The following CFAP47 variants were observed in gnomAD, a reference collection of about 807,000 sequenced individuals.
CFAP47 encodes the protein cilia- and flagella-associated protein 47.
A neutral mutation model predicts 148.1 loss-of-function variants in CFAP47; 29 were observed. The ratio of observed to expected loss-of-function variants is 0.20; its 90% CI spans 0.15 to 0.27. The LOEUF (loss-of-function observed/expected upper bound fraction) is 0.27. Among genes scored for constraint, CFAP47 ranks in the 10% least tolerant of loss-of-function variants. The probability of loss-of-function intolerance (pLI) is 1.00; values close to 1 mark genes in which losing one functional copy is unlikely to be tolerated. For synonymous variants in CFAP47, 664 were observed against 577.3 expected, an observed-to-expected ratio of 1.15 and a Z score of -2.15; for missense variants, 1,872 against 1,697.5, an observed-to-expected ratio of 1.10 and a Z score of -1.81.
intron 32 of CFAP47, among the ~76,000 whole-genome samples, chrX:36,101,925 C>T (rs1305746066): frequency 9.0e-6 from 1 of 111,424 alleles, no homozygotes; most frequent in African/African-American, 3.3e-5. Context: ...TAGCAAAGTT[C>T]ATGTGAACCT....
chrX:36,178,252 G>A (rs910285350), intron 39 of CFAP47, among the ~76,000 whole-genome samples: 2 of 110,941 alleles, frequency 1.8e-5, no homozygotes, highest in Non-Finnish European at 3.8e-5. Context: ...TCTGGGTAAT[G>A]AGATCAATTA....
intron 45 of CFAP47, among the ~76,000 whole-genome samples, chrX:36,205,963 A>G (rs1355375935): frequency 2.7e-5 from 3 of 111,545 alleles, no homozygotes; most frequent in Non-Finnish European, 5.7e-5. Flanking sequence ...GGTGATTACA[A>G]CTTATAAATT....
intron 57 of CFAP47, among the ~76,000 whole-genome samples, chrX:36,343,525 A>ATTCCT (rs1423285418): frequency 8.9e-6 from 1 of 112,002 alleles, no homozygotes; most frequent in Admixed American, 9.4e-5. Context: ...GAATGTGGTG[A>ATTCCT]TTCCTCAAGG....
At chrX:35,924,288 T>G (rs778797864) in intron 1 of CFAP47, among the ~76,000 whole-genome samples, 1 of 105,126 alleles carries the variant, frequency 9.5e-6, no homozygotes, top group East Asian at 3.0e-4. Context: ...TATATGTACA[T>G]GTATGTGTAC....
At chrX:36,260,837 G>C (rs985298778) in intron 49 of CFAP47, among the ~76,000 whole-genome samples, 3 of 111,445 alleles carry the variant, frequency 2.7e-5, no homozygotes, top group Non-Finnish European at 3.8e-5. Context: ...TATAGTTCAG[G>C]GTCTTACATT....
Position 36,327,670 on chromosome X carries a change from A to G in CFAP47, c.8443+8363A>G, listed in dbSNP as rs1556013322. On this transcript the variant is annotated intron_variant, in intron 57 of 63. Transcript: ENST00000378653. ...TACCAAAAAAGACTCAAGCATGCAT[A>G]TGTTCATCATAACATTATTCACAAT... Among the ~76,000 whole-genome samples, 4 of 112,121 alleles carry G rather than the reference A, an allele frequency of 3.6e-5. No homozygotes were observed. In the East Asian group the frequency reaches 1.1e-3, roughly 31 times the overall value.
chrX:36,064,691 C>A (rs1189354151), intron 26 of CFAP47, among the ~76,000 whole-genome samples: 1 of 111,420 alleles, frequency 9.0e-6, no homozygotes, highest in Non-Finnish European at 1.9e-5. Flanking sequence ...ATGGCTGATT[C>A]AACAGTGATA....
At chrX:36,371,664 A>G (rs1467611455) in intron 62 of CFAP47, among the ~76,000 whole-genome samples, 6 of 82,352 alleles carry the variant, frequency 7.3e-5, no homozygotes, top group African/African-American at 3.0e-4. Flanking sequence ...ATGTGTGTAT[A>G]TACACACATG....
At position 36,298,967 on chromosome X, in the gene CFAP47, A is replaced by C; in HGVS notation, c.7687-10A>C. On this transcript the variant is annotated splice_polypyrimidine_tract_variant and intron_variant, in intron 51 of 63. Transcript: ENST00000378653. ...TAAAAGTTGATTACATATTTGTTGTATAATTCTAGGACAGCACTTGCATTG... is the reference window on the plus strand; with the variant it reads ...TAAAAGTTGATTACATATTTGTTGTCTAATTCTAGGACAGCACTTGCATTG... 2.7e-6 allele frequency: 3 copies of C among 1,112,775 alleles called. No individual in the cohort carries two copies. The South Asian group carries it at 6.0e-5, about 22-fold the overall frequency. 91.7% of individuals were successfully genotyped at this position (1,112,775 alleles called of 1,213,427 possible). A position where few individuals can be genotyped will look rare whatever the true frequency, so the allele number is the denominator to read the frequency against.
rs1940473062 is a variant in CFAP47 at position 36,236,769 on chromosome X, G to A, written c.7242G>A (p.Leu2414=). ...GGGTTGGGAAAAAACCTTCGGCCTT[G>A]GAACACATCACTGTGGAATGTCAAG... ...IKGVGKKPSA[L]EHITVECQVG... is the part of the protein sequence containing the mutation. The change falls in exon 48 of 64, where the codon TTG becomes TTA. Residue 2414 remains leucine (L), a synonymous_variant. Coordinates refer to ENST00000378653, the MANE Select transcript of CFAP47 (RefSeq NM_001304548.2). 3.8e-6 allele frequency: 2 copies of A among 524,012 alleles called. No homozygotes were observed. The highest frequency in any genetic ancestry group is 7.0e-6 in the Non-Finnish European group (2 of 286,269). 43.2% of individuals were successfully genotyped at this position (524,012 alleles called of 1,213,427 possible). A position where few individuals can be genotyped will look rare whatever the true frequency, so the allele number is the denominator to read the frequency against.
chrX:35,997,276 G>A (rs921854835), intron 18 of CFAP47, 36 bp from the exon 19 acceptor site: 1 of 291,406 alleles, frequency 3.4e-6, no homozygotes, highest in Admixed American at 6.1e-5. Flanking sequence ...ATATTTTAAT[G>A]TGGTTTCTAC....
intron 39 of CFAP47, 52 bp downstream of exon 39, chrX:36,160,821 T>G: frequency 1.4e-5 from 4 of 281,828 alleles, no homozygotes; most frequent in Non-Finnish European, 2.5e-5. Flanking sequence ...ATCTCCACTC[T>G]GAAGAGACAT....
At chrX:36,293,868 T>A (rs1238723807) in intron 51 of CFAP47, among the ~76,000 whole-genome samples, 1 of 111,450 alleles carries the variant, frequency 9.0e-6, no homozygotes, top group African/African-American at 3.3e-5. Flanking sequence ...GATAGTTTAA[T>A]GCCCCTGGCT....
chrX:36,296,173 GT>G (rs1941240322), intron 51 of CFAP47, among the ~76,000 whole-genome samples: 1 of 111,775 alleles, frequency 8.9e-6, no homozygotes, highest in Non-Finnish European at 1.9e-5. Context: ...TGTGATTTAA[GT>G]ACTCCATAGA....
intron 55 of CFAP47, among the ~76,000 whole-genome samples, chrX:36,307,250 A>G (rs1159345281): frequency 5.4e-5 from 6 of 111,623 alleles, no homozygotes; most frequent in African/African-American, 1.9e-4. Context: ...TATTTTTTCC[A>G]CTGCATTTCA....
rs1406396206 is a variant in CFAP47, at chrX:35,975,878, G to A, written c.2678G>A (p.Gly893Glu). ...AQFQWQPVNT[G>E]RGIAFSICPA... ...TTTCAATGGCAACCCGTAAACACAG[G>A]AAGAGGGATAGCATTTTCTATTTGT... Residue 893 changes from glycine to glutamate, a missense_variant, in exon 15 of 64, where the codon GGA becomes GAA. By Grantham distance (98) the Gly-to-Glu change is moderately conservative. Transcript: ENST00000378653. 8.3e-7 allele frequency: 1 copy of A among 1,208,552 alleles called. No homozygotes were observed. Among genetic ancestry groups the A allele is most frequent in the Non-Finnish European group, 1.1e-6 (1 of 893,951 alleles).
intron 32 of CFAP47, among the ~76,000 whole-genome samples, chrX:36,104,221 T>A (rs1283524656): frequency 1.8e-5 from 2 of 112,292 alleles, no homozygotes; most frequent in Non-Finnish European, 3.8e-5. Flanking sequence ...GAAATGTTCT[T>A]AAATGCAGTT....
intron 26 of CFAP47, among the ~76,000 whole-genome samples, chrX:36,059,097 G>A (rs1248365582): frequency 1.8e-5 from 2 of 111,710 alleles, no homozygotes; most frequent in Non-Finnish European, 3.8e-5. Context: ...CAACTTTTAA[G>A]GCCAGTTCTG....
chrX:36,375,265 G>A (rs145605018), intron 62 of CFAP47: 2,783 of 178,440 alleles, frequency 0.016, 28 homozygotes, highest in Middle Eastern at 0.042. Flanking sequence ...TTTCTAATAC[G>A]CCTTTTGATT....
Sources: allele counts gnomAD v4.1 joint callset (sites outside exome capture counted in the v4.1 genomes callset), GRCh38; gene constraint gnomAD v4.1.1; transcripts MANE v1.5; gene names NCBI Gene and HGNC (gene_info 2026-07-23, HGNC 2026-07-21).